ODAD3: variants seen among roughly 807,000 people sequenced by gnomAD.
ODAD3 encodes outer dynein arm-docking complex subunit 3.
In ODAD3, 57 loss-of-function variants were observed where a neutral mutation model predicts 70.9. That is an observed-to-expected ratio of 0.80 (90% CI 0.65 to 1.00). The LOEUF is 1.00. Ranked by LOEUF, ODAD3 falls within the 50% of genes least tolerant of loss-of-function variation. The probability of loss-of-function intolerance (pLI) is 0.00; values close to 1 mark genes in which losing one functional copy is unlikely to be tolerated. For synonymous variants in ODAD3, 327 were observed against 315.9 expected, an observed-to-expected ratio of 1.04 and a Z score of -0.37; for missense variants, 797 against 763.9, an observed-to-expected ratio of 1.04 and a Z score of -0.51.
chr19:11,425,796 G>A (rs1356039928), intron 7 of ODAD3, among the ~76,000 whole-genome samples: 1 of 151,624 alleles, frequency 6.6e-6, no homozygotes, highest in Non-Finnish European at 1.5e-5. Context: ...GGGGCCAAGA[G>A]TGAGGGGGCA....
intron 1 of ODAD3, among the ~76,000 whole-genome samples, chr19:11,433,219 T>G (rs983790139): frequency 6.6e-6 from 1 of 152,188 alleles, no homozygotes; most frequent in Non-Finnish European, 1.5e-5. Context: ...TCCTGTGTTT[T>G]GCAGAATGTT....
intron 7 of ODAD3, among the ~76,000 whole-genome samples, chr19:11,424,467 A>G (rs1368371531): frequency 6.7e-6 from 1 of 150,280 alleles, no homozygotes; most frequent in East Asian, 1.9e-4. Flanking sequence ...AGTCTGAGCG[A>G]CAGAGACCGT....
intron 7 of ODAD3, among the ~76,000 whole-genome samples, chr19:11,425,354 TATATGTAC>T (rs1352653999): frequency 8.3e-5 from 10 of 120,876 alleles, no homozygotes; most frequent in South Asian, 2.3e-4. Context: ...TATATATGTG[TATATGTAC>T]ATATGTGTAT....
chr19:11,431,098 T>C lies in ODAD3; in HGVS notation c.245-78A>G, dbSNP rs771303047. ...TGCAACATCCCAGAGGAAAGACCTT[T>C]TTTGCAATCATCAACTTTTTTTTTT... On this transcript the variant is annotated intron_variant, in intron 1 of 12. Transcript: ENST00000356392. 10 of 1,557,130 alleles carry C rather than the reference T, an allele frequency of 6.4e-6. No individual in the cohort carries two copies. The Admixed American group carries it at 2.1e-4, about 33-fold the overall frequency.
chr19:11,422,669 C>T lies in ODAD3; in HGVS notation c.1277+32G>A. ...GGTCACCCCGGGGGCTCAGCCCGCCCCGCCGCCCTCCCCAGAGCCCCGGTG... is the reference window on the plus strand; with the variant it reads ...GGTCACCCCGGGGGCTCAGCCCGCCTCGCCGCCCTCCCCAGAGCCCCGGTG... On this transcript the variant is annotated intron_variant, in intron 9 of 12. Coordinates refer to ENST00000356392, the MANE Select transcript of ODAD3 (RefSeq NM_145045.5). The surrounding 1 kb of genome is among the most constrained non-coding windows in gnomAD (Gnocchi z 4.6). 1 of 1,607,164 alleles carries T rather than the reference C, an allele frequency of 6.2e-7. No individual in the cohort carries two copies. Among genetic ancestry groups the T allele is most frequent in the East Asian group, 2.2e-5 (1 of 44,780 alleles).
chr19:11,421,941 C>T (rs1969145910), intron 10 of ODAD3, 109 bp from the exon 11 acceptor site: 3 of 1,267,994 alleles, frequency 2.4e-6, no homozygotes, highest in Non-Finnish European at 3.2e-6. Context: ...GGTAAGGGCC[C>T]ACCTGCAGGG....
rs1423540068 is a variant in ODAD3 at position 11,426,203 on chromosome 19, T to G, written c.904A>C (p.Ser302Arg). 2 of 1,613,814 alleles carry G rather than the reference T, an allele frequency of 1.2e-6. 1 individual carries two copies. ...RERKKRERYISECKKRAEEKK... is the reference protein window; with the variant it reads ...RERKKRERYIRECKKRAEEKK... ...TCCTCGGCGCGCTTCTTGCACTCAC[T>G]TATGTAGCGTTCCCGCTTCTTGCGC... The change falls in exon 7 of 13, where the codon AGT (serine) becomes CGT (arginine). Residue 302 changes from serine to arginine, a missense_variant. By Grantham distance (110) the Ser-to-Arg change is moderately radical (BLOSUM62 -1). Coordinates refer to ENST00000356392, the MANE Select transcript of ODAD3 (RefSeq NM_145045.5).
rs1227773972 is a variant in ODAD3, at chr19:11,423,874, C to T, written c.1116+3G>A. 6.2e-7 allele frequency: 1 copy of T among 1,607,466 alleles called. No homozygotes were observed. The highest frequency in any genetic ancestry group is 1.1e-5 in the South Asian group (1 of 90,914). On this transcript the variant is annotated splice_donor_region_variant and intron_variant, in intron 8 of 12. Coordinates refer to ENST00000356392, the MANE Select transcript of ODAD3 (RefSeq NM_145045.5). ...GGCGGAGAGGGCTGCGGGCAGAACT[C>T]ACGTGCGTCTCGTCAGTGCCAGTGG...
chr19:11,428,630 C>G, intron 3 of ODAD3, among the ~76,000 whole-genome samples: 1 of 152,108 alleles, frequency 6.6e-6, no homozygotes, highest in East Asian at 1.9e-4. Context: ...CTCACTGCAG[C>G]CTCGACCTCC....
In ODAD3 at chr19:11,426,452, A is replaced by C. The variant is rs1969376653; in HGVS notation, c.834T>G (p.Ile278Met). 3 of 1,613,834 alleles carry C rather than the reference A, an allele frequency of 1.9e-6. No individual in the cohort carries two copies. Among genetic ancestry groups the C allele is most frequent in the African/African-American group, 2.7e-5 (2 of 74,846 alleles). ...VNQEALNARDIAKNQLQYLEE... is the reference protein window; with the variant it reads ...VNQEALNARDMAKNQLQYLEE... ...AGGGCAAGAGGGGTGGCACCTTGGC[A>C]ATGTCCCGGGCATTGAGGGCCTCTT... Residue 278 changes from isoleucine to methionine, a missense_variant, in exon 6 of 13, where the codon ATT (isoleucine) becomes ATG (methionine). By Grantham distance (10) the Ile-to-Met change is conservative. Transcript: ENST00000356392.
rs765937895 is a variant in ODAD3, at chr19:11,426,102, G to T, written c.963+42C>A. On this transcript the variant is annotated intron_variant, in intron 7 of 12. Transcript: ENST00000356392. ...CCAGGGCATGGCTGGTTTGTGCTGGGCTGGGCTGGAGTCACAGGCGCGCAC... is the reference window on the plus strand; with the variant it reads ...CCAGGGCATGGCTGGTTTGTGCTGGTCTGGGCTGGAGTCACAGGCGCGCAC... 4 of 1,590,354 alleles carry T rather than the reference G, an allele frequency of 2.5e-6. No homozygotes were observed. The South Asian group carries it at 4.5e-5, about 18-fold the overall frequency.
intron 10 of ODAD3, 99 bp from the exon 11 acceptor site, chr19:11,421,931 G>A: frequency 2.9e-6 from 4 of 1,371,062 alleles, no homozygotes; most frequent in Non-Finnish European, 3.9e-6. Flanking sequence ...GGGCCTAGGA[G>A]GTAAGGGCCC....
In ODAD3 at chr19:11,420,763, C is replaced by T. The variant is rs374755759; in HGVS notation, c.*72G>A. 1.3e-5 allele frequency: 18 copies of T among 1,403,882 alleles called. No individual in the cohort carries two copies. The highest frequency in any genetic ancestry group is 8.5e-5 in the African/African-American group (6 of 70,894). The allele number at this position is 1,403,882 out of a possible 1,614,324, so 87.0% of individuals were successfully genotyped here. On this transcript the variant is annotated 3_prime_UTR_variant, in exon 13 of 13. Coordinates refer to ENST00000356392, the MANE Select transcript of ODAD3 (RefSeq NM_145045.5). ...CCGCGTTCAGCCCCTGAAGGGGCCCCGTGGGGCCTGCGCTAGACCCGGAGG... is the reference window on the plus strand; with the variant it reads ...CCGCGTTCAGCCCCTGAAGGGGCCCTGTGGGGCCTGCGCTAGACCCGGAGG...
chr19:11,425,610 T>C (rs1172574567), intron 7 of ODAD3, among the ~76,000 whole-genome samples: 80 of 134,040 alleles, frequency 6.0e-4, no homozygotes, highest in African/African-American at 2.6e-3. Flanking sequence ...TATGTGTGTG[T>C]ATATATGCAT....
chr19:11,430,681 G>A lies in ODAD3; in HGVS notation c.444+18C>T, dbSNP rs376392462. On this transcript the variant is annotated intron_variant, in intron 3 of 12. Transcript: ENST00000356392. ...CAGGCTGGAAATGAAGGAGGAGGTG[G>A]GGCGAGGGTGGGCAAACCTGTCCTG... The A allele has an allele frequency of 9.9e-6, 16 of 1,613,582 alleles. No homozygotes were observed. The African/African-American group carries it at 1.7e-4, about 18-fold the overall frequency.
rs779099900 is a variant in ODAD3, at chr19:11,430,680, G to A, written c.444+19C>T. The A allele has an allele frequency of 1.9e-6, 3 of 1,613,422 alleles. No homozygotes were observed. Among genetic ancestry groups the A allele is most frequent in the African/African-American group, 2.7e-5 (2 of 74,892 alleles). ...CCAGGCTGGAAATGAAGGAGGAGGT[G>A]GGGCGAGGGTGGGCAAACCTGTCCT... On this transcript the variant is annotated intron_variant, in intron 3 of 12. Coordinates refer to ENST00000356392, the MANE Select transcript of ODAD3 (RefSeq NM_145045.5).
upstream of ODAD3, chr19:11,435,620 A>C: frequency 8.5e-7 from 1 of 1,170,362 alleles, no homozygotes; most frequent in Non-Finnish European, 1.1e-6. Flanking sequence ...GACGGGGTCC[A>C]GAAATTTCCG....
chr19:11,435,616 G>C (rs369133175), upstream of ODAD3: 8 of 1,125,374 alleles, frequency 7.1e-6, no homozygotes, highest in East Asian at 1.1e-4. Flanking sequence ...AAGTGACGGG[G>C]TCCAGAAATT....
intron 7 of ODAD3, among the ~76,000 whole-genome samples, chr19:11,424,964 T>C (rs952014809): frequency 8.3e-6 from 1 of 120,402 alleles, no homozygotes; most frequent in Non-Finnish European, 1.7e-5. Context: ...TACATATGTG[T>C]ATATATGTAT....
Sources: gnomAD v4.1 joint callset for allele counts (sites outside exome capture counted in the v4.1 genomes callset) on GRCh38, gnomAD v4.1.1 for gene constraint, Gnocchi (gnomAD v3.1) non-coding constraint, MANE v1.5 for transcripts, NCBI Gene and HGNC (gene_info 2026-07-23, HGNC 2026-07-21) for gene names.